The following TNRC6B variants were observed in gnomAD, a reference collection of about 807,000 sequenced individuals.
The protein encoded by TNRC6B is trinucleotide repeat-containing gene 6B protein.
In TNRC6B, 52 loss-of-function variants were observed where a neutral mutation model predicts 203.6. The observed-to-expected ratio is 0.26, with a 90% CI of 0.20 to 0.32. The LOEUF (loss-of-function observed/expected upper bound fraction) is 0.32. TNRC6B is among the 10% of genes least tolerant of loss of function. The probability of loss-of-function intolerance (pLI) is 1.00; values close to 1 mark genes in which losing one functional copy is unlikely to be tolerated. For synonymous variants in TNRC6B, 838 were observed against 845.7 expected (o/e 0.99, Z 0.16); for missense variants, 1,923 against 2,286.2 (o/e 0.84, Z 3.24).
At chr22:40,145,764 C>A (rs1441655242) in intron 3 of TNRC6B, among the ~76,000 whole-genome samples, 1 of 152,066 alleles carries the variant, frequency 6.6e-6, no homozygotes, top group Non-Finnish European at 1.5e-5. Context: ...ATTGCTTGAA[C>A]CCAGGAGGCA....
At chr22:40,225,085 C>A (rs1339157873) in intron 1 of TNRC6B, among the ~76,000 whole-genome samples, 1 of 152,218 alleles carries the variant, frequency 6.6e-6, no homozygotes, top group Non-Finnish European at 1.5e-5. Flanking sequence ...TTTGCCCAAG[C>A]TCCTACCATT....
intron 2 of TNRC6B, among the ~76,000 whole-genome samples, chr22:40,248,809 G>C (rs1164527588): frequency 6.6e-6 from 1 of 152,204 alleles, no homozygotes; most frequent in East Asian, 1.9e-4. Flanking sequence ...AAATGTTCCA[G>C]ATCAGCTTGA....
intron 3 of TNRC6B, among the ~76,000 whole-genome samples, chr22:40,132,988 A>ATATG (rs1294922240): frequency 1.5e-5 from 2 of 137,380 alleles, no homozygotes; most frequent in African/African-American, 5.1e-5. Flanking sequence ...ATATATATAT[A>ATATG]TATTCTGTAA....
intron 1 of TNRC6B, among the ~76,000 whole-genome samples, chr22:40,090,793 G>C (rs567707457): frequency 4.6e-5 from 7 of 152,154 alleles, no homozygotes; most frequent in African/African-American, 1.4e-4. Flanking sequence ...CCCAAATTGT[G>C]GTCTTGGAAT....
chr22:40,129,195 GT>G (rs1477649896), intron 3 of TNRC6B, among the ~76,000 whole-genome samples: 2 of 152,192 alleles, frequency 1.3e-5, no homozygotes, highest in African/African-American at 4.8e-5. Flanking sequence ...GTGACAGGAG[GT>G]TAGAGAGAGA....
chr22:40,091,718 G>T (rs1219064000), intron 1 of TNRC6B, among the ~76,000 whole-genome samples: 1 of 152,184 alleles, frequency 6.6e-6, no homozygotes, highest in Non-Finnish European at 1.5e-5. Context: ...GGATACAGGT[G>T]AAAGAGTGTT....
rs568611836 is a variant in TNRC6B at position 40,314,989 on chromosome 22, T to C, written c.4679-294T>C. Among the ~76,000 whole-genome samples the C allele has an allele frequency of 7.8e-4, 119 of 152,336 alleles. 1 individual carries two copies. The highest frequency in any genetic ancestry group is 2.6e-3 in the African/African-American group (108 of 41,590). On this transcript the variant is annotated intron_variant, in intron 19 of 22. Transcript: ENST00000454349. ...TAGGAAGACTTTCTCCTTGAATGTG[T>C]CCTCCTTTTCAAGTCATTTTTAGCT...
At chr22:40,132,490 G>A (rs6001792) in intron 3 of TNRC6B, among the ~76,000 whole-genome samples, 13 of 90,658 alleles carry the variant, frequency 1.4e-4, no homozygotes, top group South Asian at 8.8e-4. Context: ...CAATAAAGGC[G>A]AGGCGAGGGC....
At chr22:40,321,328 A>G in intron 22 of TNRC6B, 99 bp downstream of exon 22, 1 of 1,398,134 alleles carries the variant, frequency 7.2e-7, no homozygotes. Flanking sequence ...CAGAACATAT[A>G]CGAAGAATGG....
At chr22:40,233,746 C>T (rs917400599) in intron 1 of TNRC6B, among the ~76,000 whole-genome samples, 4 of 152,288 alleles carry the variant, frequency 2.6e-5, no homozygotes, top group Middle Eastern at 3.4e-3. Context: ...AGGGCTATGT[C>T]GGCAAAAGTC....
intron 1 of TNRC6B, chr22:40,107,020 C>T: frequency 9.2e-7 from 1 of 1,085,436 alleles, no homozygotes; most frequent in Non-Finnish European, 1.4e-6. Flanking sequence ...TTAAGGATTT[C>T]TGGCACAGCA....
intron 1 of TNRC6B, among the ~76,000 whole-genome samples, chr22:40,054,773 C>T (rs893861631): frequency 1.3e-5 from 2 of 151,738 alleles, no homozygotes; most frequent in Non-Finnish European, 2.9e-5. Flanking sequence ...CTTGGTGGCT[C>T]ATGCATGTAA....
At chr22:40,181,125 A>C (rs555837529) in intron 1 of TNRC6B, among the ~76,000 whole-genome samples, 1 of 152,314 alleles carries the variant, frequency 6.6e-6, no homozygotes, top group East Asian at 1.9e-4. Context: ...TCTGTTCTTC[A>C]GCTGTGAATG....
chr22:40,170,623 A>AGTT, intron 4 of TNRC6B, among the ~76,000 whole-genome samples: 1 of 127,144 alleles, frequency 7.9e-6, no homozygotes, highest in Non-Finnish European at 1.6e-5. Flanking sequence ...CTATACATAC[A>AGTT]TATATGAACA....
intron 1 of TNRC6B, among the ~76,000 whole-genome samples, chr22:40,059,509 G>C (rs758573717): frequency 1.4e-4 from 22 of 152,050 alleles, no homozygotes; most frequent in Non-Finnish European, 2.6e-4. Context: ...GATACGAGTG[G>C]GCATTCTTGC....
chr22:40,237,871 TTGTG>T (rs2069969788), intron 1 of TNRC6B, among the ~76,000 whole-genome samples: 1 of 151,668 alleles, frequency 6.6e-6, no homozygotes, highest in Admixed American at 6.6e-5. Context: ...TTGCCTGGCG[TTGTG>T]TGTGTGTGTT....
intron 12 of TNRC6B, among the ~76,000 whole-genome samples, chr22:40,299,124 GAC>G (rs1289373848): frequency 7.8e-6 from 1 of 129,026 alleles, no homozygotes; most frequent in African/African-American, 3.1e-5. Context: ...CAGCCTGGGT[GAC>G]AGAGTGAGAC....
chr22:40,254,016 T>C (rs555943805), intron 3 of TNRC6B, among the ~76,000 whole-genome samples: 16 of 152,274 alleles, frequency 1.1e-4, no homozygotes, highest in Non-Finnish European at 2.4e-4. Context: ...TTTCTGTATT[T>C]CAGAGTAGTA....
chr22:40,049,969 A>C (rs2067731655), intron 1 of TNRC6B, among the ~76,000 whole-genome samples: 1 of 152,044 alleles, frequency 6.6e-6, no homozygotes, highest in African/African-American at 2.4e-5. Context: ...CATTAGTATT[A>C]GTTTCTATTA....
Sources: allele counts gnomAD v4.1 joint callset (sites outside exome capture counted in the v4.1 genomes callset), GRCh38; gene constraint gnomAD v4.1.1; transcripts MANE v1.5; gene names NCBI Gene and HGNC (gene_info 2026-07-23, HGNC 2026-07-21).